The following MX1 variants were observed in gnomAD, a reference collection of about 807,000 sequenced individuals.
MX1 encodes MX dynamin like GTPase 1.
MX1 carries 66 observed loss-of-function variants against 66.4 expected under a neutral mutation model. The observed-to-expected ratio is 0.99, with a 90% confidence interval of 0.82 to 1.22. The LOEUF is 1.22. MX1 is among the 50% of genes most tolerant of loss of function. The pLI, the probability that MX1 is intolerant of heterozygous loss-of-function variation, is 0.00. For synonymous variants in MX1, 311 were observed against 318.1 expected, an observed-to-expected ratio of 0.98 and a Z score of 0.24; for missense variants, 787 against 834.3, an observed-to-expected ratio of 0.94 and a Z score of 0.70.
intron 15 of MX1, among the ~76,000 whole-genome samples, chr21:41,451,583 C>T (rs1035039470): frequency 1.5e-4 from 23 of 152,252 alleles, no homozygotes; most frequent in African/African-American, 5.3e-4. Context: ...CCTGTAATCC[C>T]AGCACTTTGG....
chr21:41,438,265 G>A (rs1487947679), intron 7 of MX1, among the ~76,000 whole-genome samples: 1 of 152,258 alleles, frequency 6.6e-6, no homozygotes, highest in East Asian at 1.9e-4. Context: ...GGATTAGGTT[G>A]GCTGCTTGCA....
chr21:41,454,399 T>C (rs750089968), intron 16 of MX1, among the ~76,000 whole-genome samples: 10 of 152,098 alleles, frequency 6.6e-5, no homozygotes, highest in Non-Finnish European at 1.3e-4. Context: ...AACCTTATGA[T>C]CTCAATTTCA....
intron 11 of MX1, among the ~76,000 whole-genome samples, chr21:41,444,994 A>G (rs2090621953): frequency 6.6e-6 from 1 of 152,222 alleles, no homozygotes; most frequent in Non-Finnish European, 1.5e-5. Flanking sequence ...CGTCAACCGT[A>G]TTGTTAAAAA....
At chr21:41,443,536 A>ATCTCGGTGGT in intron 10 of MX1, 1 of 514,676 alleles carries the variant, frequency 1.9e-6, no homozygotes, top group Non-Finnish European at 3.5e-6. Context: ...CTATAGTCAG[A>ATCTCGGTGGT]CACCATGATA....
intron 5 of MX1, among the ~76,000 whole-genome samples, chr21:41,433,881 C>A (rs2090290408): frequency 6.6e-6 from 1 of 152,148 alleles, no homozygotes; most frequent in South Asian, 2.1e-4. Flanking sequence ...TGAACTAAGA[C>A]CGAGGCTACC....
rs1804530713 is a variant in MX1 at position 41,451,096 on chromosome 21, T to C, written c.1433-71T>C. ...TTTACTTCATACCATTTGATCCTCA[T>C]ATTTTTTTGCATCTTAAGAAGAGAA... is the stretch of plus-strand genomic sequence containing the variant. On this transcript the variant is annotated intron_variant, in intron 14 of 16. Coordinates refer to ENST00000398598, the MANE Select transcript of MX1 (RefSeq NM_002462.5). 2.2e-5 allele frequency: 23 copies of C among 1,036,414 alleles called. No individual in the cohort carries two copies. In the East Asian group the frequency reaches 5.0e-4, roughly 23 times the overall value. 64.2% of individuals were successfully genotyped at this position (1,036,414 alleles called of 1,614,324 possible). A position where few individuals can be genotyped will look rare whatever the true frequency, so the allele number is the denominator to read the frequency against.
At chr21:41,442,932 G>A (rs915615032) in intron 10 of MX1, among the ~76,000 whole-genome samples, 2 of 152,208 alleles carry the variant, frequency 1.3e-5, no homozygotes, top group Non-Finnish European at 1.5e-5. Context: ...CAGAAAGAAT[G>A]ATGGGCACCA....
At chr21:41,428,530 A>C (rs975109283) in intron 3 of MX1, 1 of 152,238 alleles carries the variant, frequency 6.6e-6, no homozygotes, top group South Asian at 2.1e-4. Context: ...CAGCTGCCAA[A>C]GTCAGGAATA....
At chr21:41,428,435 C>G (rs2090125108) in intron 3 of MX1, 1 of 152,292 alleles carries the variant, frequency 6.6e-6, no homozygotes, top group Non-Finnish European at 1.5e-5. Flanking sequence ...CCACTGACAG[C>G]CACTCCAGGG....
At chr21:41,444,744 G>A (rs989986112) in intron 11 of MX1, among the ~76,000 whole-genome samples, 1 of 152,018 alleles carries the variant, frequency 6.6e-6, no homozygotes, top group African/African-American at 2.4e-5. Context: ...TTTTGCCTCT[G>A]CACCAAGTCA....
Position 41,432,066 on chromosome 21 carries a change from G to A in MX1, c.-5G>A. 1.2e-6 allele frequency: 2 copies of A among 1,613,934 alleles called. No homozygotes were observed. The highest frequency in any genetic ancestry group is 1.7e-6 in the Non-Finnish European group (2 of 1,179,960). Reference sequence around the variant, plus strand: ...TATTTTAAGCTTACTTTGCAAAGAAGGAAGATGGTTGTTTCCGAAGTGGAC... The same window carrying A: ...TATTTTAAGCTTACTTTGCAAAGAAAGAAGATGGTTGTTTCCGAAGTGGAC... On this transcript the variant is annotated 5_prime_UTR_variant, in exon 5 of 17. Coordinates refer to ENST00000398598, the MANE Select transcript of MX1 (RefSeq NM_002462.5).
intron 4 of MX1, among the ~76,000 whole-genome samples, chr21:41,430,816 T>G (rs752066587): frequency 6.6e-6 from 1 of 152,068 alleles, no homozygotes; most frequent in Non-Finnish European, 1.5e-5. Flanking sequence ...CTTTCAAGAG[T>G]AAAATGAATG....
chr21:41,447,968 G>A (rs1453044957), intron 13 of MX1, among the ~76,000 whole-genome samples: 1 of 152,202 alleles, frequency 6.6e-6, no homozygotes, highest in African/African-American at 2.4e-5. Flanking sequence ...GACCTCAGGT[G>A]ATCACTGGCC....
intron 16 of MX1, 38 bp from the exon 17 acceptor site, chr21:41,458,490 T>TCCCCTCCTCACAGTGC: frequency 6.2e-7 from 1 of 1,611,184 alleles, no homozygotes; most frequent in Admixed American, 1.7e-5. Context: ...CCTCACAGTG[T>TCCCCTCCTCACAGTGC]CCCCTCCACC....
intron 13 of MX1, among the ~76,000 whole-genome samples, chr21:41,446,899 G>T (rs1463150481): frequency 6.6e-6 from 1 of 152,236 alleles, no homozygotes; most frequent in Admixed American, 6.5e-5. Flanking sequence ...AGACAGAGAA[G>T]AGTGGGGCAG....
At chr21:41,437,835 G>A (rs1010737705) in intron 7 of MX1, among the ~76,000 whole-genome samples, 2 of 152,194 alleles carry the variant, frequency 1.3e-5, no homozygotes, top group African/African-American at 2.4e-5. Context: ...GGACAGGATC[G>A]TCACTGAACC....
Position 41,437,484 on chromosome 21 carries a change from A to T in MX1, c.436+332A>T, listed in dbSNP as rs2090397726. The stretch of plus-strand genomic sequence containing the variant: ...TGAGACCCCGTCTCTTAAAAAAAAA[A>T]AATTAAAATAGCTGGGCAGGGTGGC... On this transcript the variant is annotated intron_variant, in intron 7 of 16. Coordinates refer to ENST00000398598, the MANE Select transcript of MX1 (RefSeq NM_002462.5). 2.0e-5 allele frequency among the ~76,000 whole-genome samples: 3 copies of T among 151,984 alleles called. No homozygotes were observed. The South Asian group carries it at 6.2e-4, about 32-fold the overall frequency.
chr21:41,458,706 G>A lies in MX1; in HGVS notation c.1937G>A (p.Arg646Gln), dbSNP rs754492568. The change falls in exon 17 of 17, where the codon CGG (arginine) becomes CAG (glutamine). Residue 646 changes from arginine (R) to glutamine (Q), a missense_variant. Coordinates refer to ENST00000398598, the MANE Select transcript of MX1 (RefSeq NM_002462.5). The part of the protein sequence containing the change: ...TSDKRKFLKE[R>Q]LARLTQARRR... ...GACAAGCGGAAGTTCCTGAAGGAGC[G>A]GCTTGCACGGCTGACGCAGGCTCGG... is the stretch of plus-strand genomic sequence containing the variant. The A allele has an allele frequency of 4.3e-5, 70 of 1,613,950 alleles. No individual in the cohort carries two copies. The Admixed American group carries it at 6.5e-4, about 15-fold the overall frequency.
intron 16 of MX1, among the ~76,000 whole-genome samples, chr21:41,456,565 T>C (rs1290595482): frequency 6.6e-6 from 1 of 152,134 alleles, no homozygotes; most frequent in Non-Finnish European, 1.5e-5. Flanking sequence ...ATCTACAGAA[T>C]ACCTCCGCAG....
Sources: allele counts gnomAD v4.1 joint callset (sites outside exome capture counted in the v4.1 genomes callset), GRCh38; gene constraint gnomAD v4.1.1; transcripts MANE v1.5; gene names NCBI Gene and HGNC (gene_info 2026-07-23, HGNC 2026-07-21).